DCLK1: variants seen among roughly 807,000 people sequenced by gnomAD.
DCLK1 encodes doublecortin like kinase 1.
A neutral mutation model predicts 86.2 loss-of-function variants in DCLK1; 16 were observed. That is an observed-to-expected ratio of 0.19 (90% CI 0.13 to 0.28). The LOEUF is 0.28. Among genes scored for constraint, DCLK1 ranks in the 10% least tolerant of loss-of-function variants. The probability of loss-of-function intolerance (pLI) is 1.00; values close to 1 mark genes in which losing one functional copy is unlikely to be tolerated. For missense variants in DCLK1, 590 were observed against 940.2 expected (o/e 0.63, Z 4.87); for synonymous variants, 369 against 370.5 (o/e 1.00, Z 0.05).
At chr13:35,959,368 A>T (rs907355494) in intron 3 of DCLK1, among the ~76,000 whole-genome samples, 18 of 152,122 alleles carry the variant, frequency 1.2e-4, no homozygotes, top group Non-Finnish European at 2.1e-4. Context: ...ATAAAACACC[A>T]TGCAAACAGG....
chr13:36,047,880 CAGG>C (rs1015976107), intron 3 of DCLK1, among the ~76,000 whole-genome samples: 2 of 152,116 alleles, frequency 1.3e-5, no homozygotes, highest in Admixed American at 1.3e-4. Context: ...CACTTGACCC[CAGG>C]AGTTCTTGAG....
intron 4 of DCLK1, among the ~76,000 whole-genome samples, chr13:35,934,975 G>A (rs1005927922): frequency 6.6e-6 from 1 of 152,104 alleles, no homozygotes; most frequent in Non-Finnish European, 1.5e-5. Flanking sequence ...GAAAAAGAAT[G>A]AGAAATCAGT....
intron 5 of DCLK1, among the ~76,000 whole-genome samples, chr13:35,868,584 A>T (rs1395786189): frequency 6.6e-6 from 1 of 152,148 alleles, no homozygotes; most frequent in Non-Finnish European, 1.5e-5. Context: ...AATATTGATG[A>T]TTTTTAATAG....
At position 35,822,684 on chromosome 13, in the gene DCLK1, G is replaced by A. The variant is rs1343331063; in HGVS notation, c.1554+45C>T. The A allele has an allele frequency of 3.1e-6, 5 of 1,610,178 alleles. No homozygotes were observed. In the East Asian group the frequency reaches 1.1e-4, roughly 36 times the overall value. On this transcript the variant is annotated intron_variant, in intron 11 of 16. Coordinates refer to ENST00000360631, the MANE Select transcript of DCLK1 (RefSeq NM_001330071.2). The stretch of plus-strand genomic sequence containing the variant: ...AAAAGAAATATTCATATTCCTTCAT[G>A]AGTGCTTGGAACTCAGGATGCCCTG...
At chr13:35,990,141 T>C (rs1880156348) in intron 3 of DCLK1, among the ~76,000 whole-genome samples, 1 of 152,216 alleles carries the variant, frequency 6.6e-6, no homozygotes, top group South Asian at 2.1e-4. Context: ...CAACAATGTC[T>C]TCCTATTTAA....
chr13:36,129,974 C>T (rs1310876113), intron 1 of DCLK1, among the ~76,000 whole-genome samples: 2 of 152,084 alleles, frequency 1.3e-5, no homozygotes, highest in Non-Finnish European at 2.9e-5. Context: ...AAAAAAATGG[C>T]ATAAATGCTA....
chr13:35,842,155 G>A (rs371391632), intron 6 of DCLK1, among the ~76,000 whole-genome samples: 1 of 147,244 alleles, frequency 6.8e-6, no homozygotes, highest in African/African-American at 2.5e-5. Context: ...CGTGAATCCA[G>A]GAGGCGGAGC....
chr13:36,078,233 A>G (rs1884281724), intron 3 of DCLK1, among the ~76,000 whole-genome samples: 1 of 152,180 alleles, frequency 6.6e-6, no homozygotes, highest in African/African-American at 2.4e-5. Flanking sequence ...TTGATCTTGA[A>G]CTTCCCAGCC....
chr13:35,982,427 AGAGAGGGGGAGG>A (rs1428706638), intron 3 of DCLK1, among the ~76,000 whole-genome samples: 1,489 of 54,094 alleles, frequency 0.028, 110 homozygotes, highest in African/African-American at 0.043. Context: ...AGAGAGAGAG[AGAGAGGGGGAGG>A]GAGGGAGGGA....
At chr13:36,019,986 T>C (rs921875631) in intron 3 of DCLK1, among the ~76,000 whole-genome samples, 1 of 152,206 alleles carries the variant, frequency 6.6e-6, no homozygotes, top group African/African-American at 2.4e-5. Context: ...TGTGCCATCC[T>C]CCCAGTAATG....
intron 4 of DCLK1, among the ~76,000 whole-genome samples, chr13:35,884,228 A>G (rs893656825): frequency 6.6e-6 from 1 of 152,178 alleles, no homozygotes; most frequent in Non-Finnish European, 1.5e-5. Context: ...AACTAAAAGC[A>G]TGAGGAGATA....
At chr13:35,999,370 TG>T (rs1880613681) in intron 3 of DCLK1, among the ~76,000 whole-genome samples, 1 of 152,168 alleles carries the variant, frequency 6.6e-6, no homozygotes, top group Non-Finnish European at 1.5e-5. Context: ...GTTCCAGAGC[TG>T]GGGTGAGCTG....
intron 3 of DCLK1, among the ~76,000 whole-genome samples, chr13:36,097,123 T>C (rs1270407112): frequency 6.6e-6 from 1 of 152,080 alleles, no homozygotes; most frequent in African/African-American, 2.4e-5. Context: ...ACTTAGAAGG[T>C]AGAAAGGAGA....
At chr13:36,061,969 C>G (rs1883563887) in intron 3 of DCLK1, among the ~76,000 whole-genome samples, 1 of 152,178 alleles carries the variant, frequency 6.6e-6, no homozygotes, top group South Asian at 2.1e-4. Flanking sequence ...GACTTTTCAT[C>G]TGTTAAGCAC....
intron 4 of DCLK1, among the ~76,000 whole-genome samples, chr13:35,932,469 G>A (rs73521589): frequency 0.039 from 5,868 of 152,192 alleles, 394 homozygotes; most frequent in African/African-American, 0.13. Context: ...AAAGATATAC[G>A]TGAGACTGGG....
intron 4 of DCLK1, among the ~76,000 whole-genome samples, chr13:35,929,542 A>C (rs1876310917): frequency 6.6e-6 from 1 of 152,230 alleles, no homozygotes; most frequent in Non-Finnish European, 1.5e-5. Context: ...TTCATAACTA[A>C]ACATAGAGGC....
At chr13:35,810,720 A>G (rs2087124184) in intron 12 of DCLK1, 115 bp downstream of exon 12, 3 of 1,298,482 alleles carry the variant, frequency 2.3e-6, no homozygotes, top group Admixed American at 2.6e-5. Context: ...AAAGAGTGGA[A>G]GAAACCTGAT....
chr13:35,858,024 CA>C (rs1316450082), intron 5 of DCLK1, among the ~76,000 whole-genome samples: 1 of 152,096 alleles, frequency 6.6e-6, no homozygotes, highest in Non-Finnish European at 1.5e-5. Context: ...AAAACAAAAA[CA>C]AAAACAAAGA....
At position 35,910,914 on chromosome 13, in the gene DCLK1, CTA is replaced by C. The variant is rs374869961; in HGVS notation, c.823+36442_823+36443del. On this transcript the variant is annotated intron_variant, in intron 4 of 16. Coordinates refer to ENST00000360631, the MANE Select transcript of DCLK1 (RefSeq NM_001330071.2). ...AATTGGCCGATTGAGGGATGTGACA[CTA>C]GAGAGATTTTTTCAAATCTTACTTC... Among the ~76,000 whole-genome samples, 230 of 152,214 alleles carry C rather than the reference CTA, an allele frequency of 1.5e-3. 2 individuals are homozygous for C. Among genetic ancestry groups the C allele is most frequent in the African/African-American group, 5.3e-3 (220 of 41,550 alleles).
Sources: allele counts gnomAD v4.1 joint callset (sites outside exome capture counted in the v4.1 genomes callset), GRCh38; gene constraint gnomAD v4.1.1; transcripts MANE v1.5; gene names NCBI Gene and HGNC (gene_info 2026-07-23, HGNC 2026-07-21).